CLCN4: variants seen among roughly 807,000 people sequenced by gnomAD.
The protein encoded by CLCN4 is Cl-/H+ antiporter 4.
CLCN4 carries 1 observed loss-of-function variant against 41.7 expected under a neutral mutation model. That is an observed-to-expected ratio of 0.02 (90% CI 0.01 to 0.11). The LOEUF (loss-of-function observed/expected upper bound fraction) is 0.11, where lower values mean the gene tolerates loss of function less well. Among genes scored for constraint, CLCN4 ranks in the 10% least tolerant of loss-of-function variants. The pLI, the probability that CLCN4 is intolerant of heterozygous loss-of-function variation, is 1.00. For missense variants in CLCN4, 287 were observed against 661.0 expected (o/e 0.43, Z 6.20); for synonymous variants, 277 against 285.8 (o/e 0.97, Z 0.31).
chrX:10,210,328 G>A (rs761350447), intron 9 of CLCN4, among the ~76,000 whole-genome samples: 4 of 110,667 alleles, frequency 3.6e-5, no homozygotes, highest in East Asian at 2.8e-4. Flanking sequence ...AGAGTATATC[G>A]TTCATATAGA....
Position 10,183,319 on chromosome X carries a change from G to A in CLCN4, c.-11-1703G>A, listed in dbSNP as rs765122137. On this transcript the variant is annotated intron_variant, in intron 2 of 12. Transcript: ENST00000380833. ...TGATGATCAATAAATCAATCACTGT[G>A]ACCACTTTATTGCTTGTAAGGTGAT... Among the ~76,000 whole-genome samples the A allele has an allele frequency of 7.2e-5, 8 of 111,739 alleles. No homozygotes were observed. The South Asian group carries it at 3.0e-3, about 42-fold the overall frequency.
intron 2 of CLCN4, among the ~76,000 whole-genome samples, chrX:10,159,333 C>T (rs1175476058): frequency 9.0e-6 from 1 of 111,723 alleles, no homozygotes; most frequent in Non-Finnish European, 1.9e-5. Flanking sequence ...TTAATTCTCT[C>T]GCTGATAATT....
chrX:10,187,873 C>T (rs935988078), intron 4 of CLCN4, among the ~76,000 whole-genome samples: 4 of 112,519 alleles, frequency 3.6e-5, no homozygotes, highest in Non-Finnish European at 7.5e-5. Context: ...AGCTGGTAGC[C>T]TTTCCACACA....
chrX:10,177,455 T>C (rs5934799), intron 2 of CLCN4, among the ~76,000 whole-genome samples: 40,079 of 111,030 alleles, frequency 0.36, 5,927 homozygotes, highest in African/African-American at 0.56. Context: ...TTTCATTTCT[T>C]TAAAGTTCAG....
chrX:10,191,673 G>A (rs1447504011), intron 4 of CLCN4, among the ~76,000 whole-genome samples: 3 of 102,870 alleles, frequency 2.9e-5, no homozygotes, highest in Admixed American at 2.1e-4. Context: ...CTATAGGCGC[G>A]TGCCACCATA....
intron 12 of CLCN4, among the ~76,000 whole-genome samples, chrX:10,231,640 C>G (rs1925129314): frequency 8.9e-6 from 1 of 111,747 alleles, no homozygotes; most frequent in Non-Finnish European, 1.9e-5. Context: ...TGATTACTTC[C>G]TCATGATTCA....
At chrX:10,202,037 A>G (rs1409567150) in intron 6 of CLCN4, among the ~76,000 whole-genome samples, 1 of 111,848 alleles carries the variant, frequency 8.9e-6, no homozygotes, top group Non-Finnish European at 1.9e-5. Context: ...AATGCTCTCT[A>G]TAAAAGTTCT....
rs768237530 is a variant in CLCN4 at position 10,197,709 on chromosome X, G to A, written c.433-230G>A. On this transcript the variant is annotated intron_variant, in intron 5 of 12. Coordinates refer to ENST00000380833, the MANE Select transcript of CLCN4 (RefSeq NM_001830.4). ...TGAGCCTTCCCTGTGTAGAAGGCGC[G>A]TGTAAACAGCTCCCAGAGAAACACC... Among the ~76,000 whole-genome samples the A allele has an allele frequency of 6.3e-5, 7 of 111,565 alleles. No homozygotes were observed. In the South Asian group the frequency reaches 1.9e-3, roughly 30 times the overall value.
At chrX:10,233,314 T>C (rs1396607162) in intron 12 of CLCN4, among the ~76,000 whole-genome samples, 180 bp from the exon 13 acceptor site, 1 of 111,805 alleles carries the variant, frequency 8.9e-6, no homozygotes, top group Non-Finnish European at 1.9e-5. Context: ...GAGCAGCATC[T>C]GTCACTTCCA....
At chrX:10,197,819 A>G (rs1366541152) in intron 5 of CLCN4, 120 bp from the exon 6 acceptor site, 2 of 931,203 alleles carry the variant, frequency 2.1e-6, no homozygotes, top group African/African-American at 3.9e-5. Flanking sequence ...CAGGACTGGG[A>G]CCAAACCTGC....
Position 10,183,936 on chromosome X carries a change from G to A in CLCN4, c.-11-1086G>A, listed in dbSNP as rs770524352. Among the ~76,000 whole-genome samples the A allele has an allele frequency of 5.3e-5, 6 of 112,156 alleles. No individual in the cohort carries two copies. The East Asian group carries it at 1.1e-3, about 21-fold the overall frequency. On this transcript the variant is annotated intron_variant, in intron 2 of 12. Coordinates refer to ENST00000380833, the MANE Select transcript of CLCN4 (RefSeq NM_001830.4). ...CAGCTTCTCATGGCTCTTGGCTCGC[G>A]GCAGGTTGTCCCACCTCCCTTGTCC...
chrX:10,185,265 G>A (rs967882875), intron 3 of CLCN4, 89 bp downstream of exon 3: 45 of 987,919 alleles, frequency 4.6e-5, no homozygotes, highest in Non-Finnish European at 5.8e-5. Flanking sequence ...GTCCACGTAC[G>A]TGTCATGTGC....
Position 10,208,192 on chromosome X carries a change from G to A in CLCN4, c.991G>A (p.Glu331Lys). The stretch of plus-strand genomic sequence containing the variant: ...ATACCACACGCCCTGGTACATGGCT[G>A]AACTCTTCCCCTTCATCCTGCTTGG... ...VEYHTPWYMA[E>K]LFPFILLGVF... Residue 331 changes from glutamate (E) to lysine (K), a missense_variant, in exon 9 of 13, where the codon GAA becomes AAA. Around this residue, in one of 6 missense-constraint regions of CLCN4, gnomAD observed 94 missense variants for 177.9 expected, o/e 0.53. Transcript: ENST00000380833. The A allele has an allele frequency of 8.3e-7, 1 of 1,211,431 alleles. No homozygotes were observed. Among genetic ancestry groups the A allele is most frequent in the Non-Finnish European group, 1.1e-6 (1 of 895,497 alleles).
intron 1 of CLCN4, 119 bp downstream of exon 1, chrX:10,157,219 G>T: frequency 3.6e-6 from 1 of 280,408 alleles, no homozygotes; most frequent in Non-Finnish European, 6.3e-6. Context: ...TGAGAGTCAA[G>T]GGCTGTATTT....
chrX:10,160,169 C>T (rs182456761), intron 2 of CLCN4, among the ~76,000 whole-genome samples: 3 of 110,614 alleles, frequency 2.7e-5, no homozygotes, highest in East Asian at 2.8e-4. Context: ...GCTCCCTTGC[C>T]CCCTGTTGAG....
intron 2 of CLCN4, among the ~76,000 whole-genome samples, chrX:10,177,735 AAC>A (rs1237549783): frequency 3.6e-5 from 4 of 112,396 alleles, no homozygotes; most frequent in Non-Finnish European, 7.5e-5. Context: ...CAGAAGGTTA[AAC>A]AGAGTTCCCA....
intron 2 of CLCN4, among the ~76,000 whole-genome samples, chrX:10,176,493 A>G (rs1197520918): frequency 8.9e-6 from 1 of 112,349 alleles, no homozygotes; most frequent in Non-Finnish European, 1.9e-5. Flanking sequence ...TCTCAGAAAC[A>G]TTTGCAAACT....
At chrX:10,216,897 GTATATATA>G (rs1555977625) in intron 11 of CLCN4, among the ~76,000 whole-genome samples, 2 of 20,826 alleles carry the variant, frequency 9.6e-5, no homozygotes, top group Non-Finnish European at 1.8e-4. Flanking sequence ...GTGTGTGTGT[GTATATATA>G]TATATATATA....
intron 2 of CLCN4, among the ~76,000 whole-genome samples, chrX:10,176,171 T>C (rs923717455): frequency 3.6e-5 from 4 of 112,312 alleles, no homozygotes; most frequent in African/African-American, 6.5e-5. Context: ...ATTATTTGTT[T>C]GCTGGGTTTT....
Sources: gnomAD v4.1 joint callset for allele counts (sites outside exome capture counted in the v4.1 genomes callset) on GRCh38, gnomAD v4.1.1 for gene constraint, gnomAD v4.1.1 regional missense constraint, MANE v1.5 for transcripts, NCBI Gene and HGNC (gene_info 2026-07-23, HGNC 2026-07-21) for gene names.